Variants in STARD13 observed in about 807,000 individuals in gnomAD.
STARD13 encodes the protein StAR related lipid transfer domain containing 13, also known as stAR-related lipid transfer protein 13.
Under a neutral mutation model 106.4 loss-of-function variants are expected in STARD13, and 62 were observed. The observed-to-expected ratio is 0.58, with a 90% CI of 0.48 to 0.72. STARD13 has a LOEUF of 0.72. Among genes scored for constraint, STARD13 ranks in the 30% least tolerant of loss-of-function variants. The probability of loss-of-function intolerance (pLI) is 0.00; values close to 1 mark genes in which losing one functional copy is unlikely to be tolerated. For missense variants in STARD13, 1,387 were observed against 1,424.0 expected, an observed-to-expected ratio of 0.97 and a Z score of 0.42; for synonymous variants, 565 against 553.0, an observed-to-expected ratio of 1.02 and a Z score of -0.31.
the STARD13 span, among the ~76,000 whole-genome samples, chr13:33,671,054 A>T: frequency 1.3e-5 from 2 of 152,188 alleles, no homozygotes; most frequent in Admixed American, 1.3e-4. Context: ...TATTTTTTCA[A>T]AGTTGGTCTG....
At chr13:33,558,490 A>G in the STARD13 span, among the ~76,000 whole-genome samples, 12 of 152,252 alleles carry the variant, frequency 7.9e-5, no homozygotes, top group Non-Finnish European at 1.8e-4. Context: ...GCTTTGAACT[A>G]TTTGTATTTA....
At chr13:33,218,691 G>A (rs1472556671) in intron 1 of STARD13, among the ~76,000 whole-genome samples, 2 of 152,182 alleles carry the variant, frequency 1.3e-5, no homozygotes, top group Non-Finnish European at 2.9e-5. Context: ...TATAAGAAAT[G>A]CTGCCATACC....
intron 1 of STARD13, among the ~76,000 whole-genome samples, chr13:33,199,251 A>T (rs1384128000): frequency 1.3e-5 from 2 of 152,228 alleles, no homozygotes; most frequent in African/African-American, 4.8e-5. Flanking sequence ...AACAAAAATC[A>T]TTCTTTCTTG....
chr13:33,551,606 T>TTTTTTTTTTG, the STARD13 span, among the ~76,000 whole-genome samples: 1 of 101,426 alleles, frequency 9.9e-6, no homozygotes, highest in Non-Finnish European at 1.9e-5. Context: ...TTTTTTTTTT[T>TTTTTTTTTTG]TTTTTTTTTT....
At chr13:33,219,827 G>GAAAAAAAAAAAAAAAAAAAAA (rs1888256553) in intron 1 of STARD13, among the ~76,000 whole-genome samples, 2 of 122,316 alleles carry the variant, frequency 1.6e-5, no homozygotes, top group African/African-American at 3.1e-5. Flanking sequence ...AAAAAAAAAA[G>GAAAAAAAAAAAAAAAAAAAAA]AAAGAAAGAA....
chr13:33,329,831 G>A (rs778465388), intron 1 of STARD13, among the ~76,000 whole-genome samples: 8 of 151,512 alleles, frequency 5.3e-5, no homozygotes, highest in African/African-American at 1.2e-4. Context: ...AGCCTCCTGC[G>A]TAGCTGGGAT....
chr13:33,336,114 A>G (rs6561861), intron 1 of STARD13: 84,393 of 152,146 alleles, frequency 0.55, 25,190 homozygotes, highest in East Asian at 0.94. Context: ...TTGTGGTTTA[A>G]GGGTAAACAG....
At chr13:33,120,273 C>T (rs919596525) in intron 7 of STARD13, among the ~76,000 whole-genome samples, 5 of 152,208 alleles carry the variant, frequency 3.3e-5, no homozygotes, top group Admixed American at 6.5e-5. Context: ...TTTTGTCCAC[C>T]GTGTCTTGCG....
the STARD13 span, among the ~76,000 whole-genome samples, chr13:33,604,014 G>A: frequency 2.0e-5 from 3 of 152,074 alleles, no homozygotes; most frequent in Non-Finnish European, 4.4e-5. Context: ...TTACAATTAA[G>A]TAGATTAAAA....
At chr13:33,186,108 GCTCCC>G in intron 1 of STARD13, 1 of 1,522,390 alleles carries the variant, frequency 6.6e-7, no homozygotes, top group Non-Finnish European at 8.9e-7. Context: ...GAACCTCACT[GCTCCC>G]CAGTGACCTG....
the STARD13 span, among the ~76,000 whole-genome samples, chr13:33,569,721 T>C: frequency 1.1e-4 from 17 of 148,154 alleles, no homozygotes; most frequent in African/African-American, 4.2e-4. Flanking sequence ...ATTGACTTTT[T>C]TGACTTACTG....
the STARD13 span, among the ~76,000 whole-genome samples, chr13:33,464,936 C>T: frequency 6.6e-6 from 1 of 152,038 alleles, no homozygotes; most frequent in Admixed American, 6.6e-5. Flanking sequence ...GAAAGTCAAA[C>T]TACAAGTGCC....
intron 1 of STARD13, among the ~76,000 whole-genome samples, chr13:33,174,508 C>T (rs933834293): frequency 2.6e-5 from 4 of 152,286 alleles, no homozygotes; most frequent in South Asian, 2.1e-4. Flanking sequence ...CATCCCCTAA[C>T]CCAACCACCT....
chr13:33,641,420 G>A, the STARD13 span, among the ~76,000 whole-genome samples: 2 of 152,094 alleles, frequency 1.3e-5, no homozygotes, highest in Non-Finnish European at 2.9e-5. Context: ...TACACAGAAA[G>A]GTGGAAGGAA....
At chr13:33,643,849 C>A in the STARD13 span, among the ~76,000 whole-genome samples, 13 of 152,176 alleles carry the variant, frequency 8.5e-5, no homozygotes, top group Non-Finnish European at 1.0e-4. Context: ...CTTGCTTCCC[C>A]CAGGAGATTC....
intron 1 of STARD13, among the ~76,000 whole-genome samples, chr13:33,237,330 C>T (rs1023046159): frequency 6.6e-6 from 1 of 152,324 alleles, no homozygotes; most frequent in South Asian, 2.1e-4. Flanking sequence ...CACTTTCAAT[C>T]GGTTCATAAA....
chr13:33,220,559 G>A (rs1888300664), intron 1 of STARD13, among the ~76,000 whole-genome samples: 1 of 152,180 alleles, frequency 6.6e-6, no homozygotes, highest in South Asian at 2.1e-4. Context: ...GGGTGTGGTG[G>A]CGGGTGCCTG....
At chr13:33,561,049 A>G in the STARD13 span, among the ~76,000 whole-genome samples, 1 of 151,564 alleles carries the variant, frequency 6.6e-6, no homozygotes, top group African/African-American at 2.4e-5. Flanking sequence ...TGCAGTAAAA[A>G]TGTGTAAGAA....
intron 1 of STARD13, among the ~76,000 whole-genome samples, chr13:33,212,754 C>T (rs1234932230): frequency 2.6e-5 from 4 of 152,306 alleles, no homozygotes; most frequent in South Asian, 2.1e-4. Flanking sequence ...ACAATCTCTT[C>T]GCAAAACCCT....
Sources: allele counts gnomAD v4.1 joint callset (sites outside exome capture counted in the v4.1 genomes callset), GRCh38; gene constraint gnomAD v4.1.1; transcripts MANE v1.5; gene names NCBI Gene and HGNC (gene_info 2026-07-23, HGNC 2026-07-21).